CFAP418: variants seen among roughly 807,000 people sequenced by gnomAD.
The protein encoded by CFAP418 is cilia- and flagella-associated protein 418.
CFAP418 carries 27 observed loss-of-function variants against 24.7 expected under a neutral mutation model. The ratio of observed to expected loss-of-function variants is 1.09; its 90% CI spans 0.81 to 1.51. The LOEUF (loss-of-function observed/expected upper bound fraction) is 1.51, where lower values mean the gene tolerates loss of function less well. CFAP418 is among the 40% of genes most tolerant of loss of function. CFAP418 has a pLI of 0.00. For missense variants in CFAP418, 257 were observed against 255.2 expected (o/e 1.01, Z -0.05); for synonymous variants, 74 against 87.3 (o/e 0.85, Z 0.85).
chr8:95,268,736 G>A (rs918386450), intron 1 of CFAP418: 2 of 199,818 alleles, frequency 1.0e-5, no homozygotes, highest in African/African-American at 4.9e-5. Context: ...AGACTGGCGC[G>A]GACTGCGGGC....
At chr8:95,251,228 G>A (rs900785134) in intron 5 of CFAP418, among the ~76,000 whole-genome samples, 2 of 152,198 alleles carry the variant, frequency 1.3e-5, no homozygotes, top group Non-Finnish European at 2.9e-5. Context: ...AAAGCACCGT[G>A]AATACACAGG....
chr8:95,263,062 G>A (rs768710980), intron 2 of CFAP418, among the ~76,000 whole-genome samples: 1 of 152,000 alleles, frequency 6.6e-6, no homozygotes, highest in Non-Finnish European at 1.5e-5. Context: ...TCTTTGGGAA[G>A]GAAGGCAATA....
At chr8:95,258,338 C>T (rs1451593050) in intron 4 of CFAP418, among the ~76,000 whole-genome samples, 6 of 142,462 alleles carry the variant, frequency 4.2e-5, no homozygotes, top group South Asian at 2.2e-4. Flanking sequence ...GCCGAGACTG[C>T]GCCACTGCAC....
chr8:95,253,309 CA>C (rs35013936), intron 4 of CFAP418, among the ~76,000 whole-genome samples: 7,455 of 142,486 alleles, frequency 0.052, 269 homozygotes, highest in Non-Finnish European at 0.076. Context: ...GACTCTGTCT[CA>C]AAAAAAAAAG....
At chr8:95,253,432 AT>A (rs1811739641) in intron 4 of CFAP418, among the ~76,000 whole-genome samples, 1 of 150,934 alleles carries the variant, frequency 6.6e-6, no homozygotes, top group Non-Finnish European at 1.5e-5. Context: ...ACATGTTTCA[AT>A]TTTGTTTTTA....
At chr8:95,257,506 G>A in intron 4 of CFAP418, among the ~76,000 whole-genome samples, 1 of 151,952 alleles carries the variant, frequency 6.6e-6, no homozygotes, top group East Asian at 1.9e-4. Flanking sequence ...CTCCAACAAT[G>A]TTTTTTTTAA....
In CFAP418 at chr8:95,245,497, T is replaced by C. The variant is rs1484570104; in HGVS notation, c.*2120A>G. ...CAAAGTAGAGGCAATGTAGGCTACT[T>C]TGGGAGGCTGAGGCGGGCGGATCAC... On this transcript the variant is annotated 3_prime_UTR_variant, in exon 6 of 6. Coordinates refer to ENST00000286688, the MANE Select transcript of CFAP418 (RefSeq NM_177965.4). 6.6e-6 allele frequency: 1 copy of C among 152,134 alleles called. No homozygotes were observed. The highest frequency in any genetic ancestry group is 2.4e-5 in the African/African-American group (1 of 41,426). The allele number at this position is 152,134 out of a possible 1,614,324, so 9.4% of individuals were successfully genotyped here. A position where few individuals can be genotyped will look rare whatever the true frequency, so the allele number is the denominator to read the frequency against.
At chr8:95,253,827 A>G (rs191645523) in intron 4 of CFAP418, among the ~76,000 whole-genome samples, 1 of 152,352 alleles carries the variant, frequency 6.6e-6, no homozygotes, top group Admixed American at 6.5e-5. Context: ...TCTTATGCAT[A>G]TATAGTTTAT....
In CFAP418 at chr8:95,247,637, A is replaced by C; in HGVS notation, c.604T>G (p.Trp202Gly). Reference sequence around the variant, plus strand: ...CATTCTTAATGTTTACCACAAACCCAGCGAAGCTGATGATCTGTCTGAAGG... The same window carrying C: ...CATTCTTAATGTTTACCACAAACCCCGCGAAGCTGATGATCTGTCTGAAGG... ...TDLQTDHQLR[W>G]VCGKH The change falls in exon 6 of 6, where the codon TGG becomes GGG. Residue 202 changes from tryptophan (W) to glycine (G), a missense_variant. By Grantham distance (184) the Trp-to-Gly change is radical. Coordinates refer to ENST00000286688, the MANE Select transcript of CFAP418 (RefSeq NM_177965.4). The C allele has an allele frequency of 3.1e-6, 5 of 1,614,226 alleles. No individual in the cohort carries two copies. The highest frequency in any genetic ancestry group is 4.2e-6 in the Non-Finnish European group (5 of 1,180,036).
chr8:95,247,218 T>C lies in CFAP418; in HGVS notation c.*399A>G, dbSNP rs550139293. The C allele has an allele frequency of 1.4e-3, 256 of 177,888 alleles. 1 individual carries two copies. The highest frequency in any genetic ancestry group is 5.9e-3 in the African/African-American group (248 of 41,828). 11.0% of individuals were successfully genotyped at this position (177,888 alleles called of 1,614,324 possible). On this transcript the variant is annotated 3_prime_UTR_variant, in exon 6 of 6. Coordinates refer to ENST00000286688, the MANE Select transcript of CFAP418 (RefSeq NM_177965.4). ...AAGTGTTGTAGACACCCCTAAATGA[T>C]CTCTTTGCCCTGGCCGGCTTTATCC... is the stretch of plus-strand genomic sequence containing the variant.
chr8:95,258,526 TA>T (rs559932582), intron 4 of CFAP418, among the ~76,000 whole-genome samples: 8 of 151,038 alleles, frequency 5.3e-5, no homozygotes, highest in East Asian at 1.9e-4. Flanking sequence ...GTTAAAAAAA[TA>T]AAAAAATTTA....
chr8:95,269,199 C>G lies in CFAP418; in HGVS notation c.-10G>C, dbSNP rs764077624. On this transcript the variant is annotated 5_prime_UTR_variant, in exon 1 of 6. Transcript: ENST00000286688. ...CCAGGTCCTCCGCCATCTTGAATCG[C>G]CTGGCCTTTTCCCCTCCAATCGCCA... The G allele has an allele frequency of 6.2e-7, 1 of 1,613,772 alleles. No individual in the cohort carries two copies.
At chr8:95,262,244 G>T (rs1811905838) in intron 2 of CFAP418, among the ~76,000 whole-genome samples, 1 of 152,204 alleles carries the variant, frequency 6.6e-6, no homozygotes, top group South Asian at 2.1e-4. Flanking sequence ...ACCAAGGAAT[G>T]ACTGTATTTA....
intron 2 of CFAP418, among the ~76,000 whole-genome samples, chr8:95,262,045 C>T (rs1376187030): frequency 1.3e-5 from 2 of 152,168 alleles, no homozygotes; most frequent in Non-Finnish European, 2.9e-5. Flanking sequence ...GTTTCAACTG[C>T]ACAAGTCCAC....
At chr8:95,267,282 T>C (rs1812003361) in intron 1 of CFAP418, among the ~76,000 whole-genome samples, 1 of 152,234 alleles carries the variant, frequency 6.6e-6, no homozygotes, top group Non-Finnish European at 1.5e-5. Context: ...TCGATGCTTT[T>C]ATCTTCGCAG....
At chr8:95,252,406 G>T (rs761467047) in intron 4 of CFAP418, 123 bp from the exon 5 acceptor site, 4 of 623,798 alleles carry the variant, frequency 6.4e-6, no homozygotes, top group Non-Finnish European at 1.1e-5. Context: ...CAACAGAAAA[G>T]TACAGATTAA....
At chr8:95,266,807 G>C (rs1811988293) in intron 1 of CFAP418, among the ~76,000 whole-genome samples, 1 of 152,206 alleles carries the variant, frequency 6.6e-6, no homozygotes, top group African/African-American at 2.4e-5. Context: ...AATGTATTAA[G>C]GTGGGCTGAG....
Position 95,252,216 on chromosome 8 carries a change from C to T in CFAP418, c.442G>A (p.Asp148Asn), listed in dbSNP as rs1221925419. ...AAAAACAGATAATCACACGATTTGT[C>T]CCACATATAGTCATCATAGCTGACT... is the stretch of plus-strand genomic sequence containing the variant. ...LVVSYDDYMW[D>N]KSCDYLFFRN... The change falls in exon 5 of 6, where the codon GAC (aspartate) becomes AAC (asparagine). Residue 148 changes from aspartate (D) to asparagine (N), a missense_variant. Coordinates refer to ENST00000286688, the MANE Select transcript of CFAP418 (RefSeq NM_177965.4). 1.2e-6 allele frequency: 2 copies of T among 1,612,880 alleles called. No homozygotes were observed. Among genetic ancestry groups the T allele is most frequent in the South Asian group, 1.1e-5 (1 of 90,882 alleles).
Position 95,245,350 on chromosome 8 carries a change from A to G in CFAP418, c.*2267T>C, listed in dbSNP as rs1413515173. 3 of 152,184 alleles carry G rather than the reference A, an allele frequency of 2.0e-5. No individual in the cohort carries two copies. The highest frequency in any genetic ancestry group is 2.0e-4 in the Admixed American group (3 of 15,276). 9.4% of individuals were successfully genotyped at this position (152,184 alleles called of 1,614,324 possible). A position where few individuals can be genotyped will look rare whatever the true frequency, so the allele number is the denominator to read the frequency against. On this transcript the variant is annotated 3_prime_UTR_variant, in exon 6 of 6. Coordinates refer to ENST00000286688, the MANE Select transcript of CFAP418 (RefSeq NM_177965.4). The stretch of plus-strand genomic sequence containing the variant: ...GGGAACTCACACATACATTTCTGAC[A>G]TTGGGGGATTATTATAATTATTATG...
Sources: gnomAD v4.1 joint callset for allele counts (sites outside exome capture counted in the v4.1 genomes callset) on GRCh38, gnomAD v4.1.1 for gene constraint, MANE v1.5 for transcripts, NCBI Gene and HGNC (gene_info 2026-07-23, HGNC 2026-07-21) for gene names.